The following LARS2 variants were observed in gnomAD, a reference collection of about 807,000 sequenced individuals.
LARS2 encodes the protein leucyl-tRNA synthetase 2, mitochondrial.
A neutral mutation model predicts 116.6 loss-of-function variants in LARS2; 81 were observed. The observed-to-expected ratio is 0.69, with a 90% confidence interval of 0.58 to 0.84. LARS2 has a LOEUF of 0.84. Among genes scored for constraint, LARS2 ranks in the 40% least tolerant of loss-of-function variants. The pLI is 0.00. For missense variants in LARS2, 968 were observed against 1,114.5 expected (o/e 0.87, Z 1.87); for synonymous variants, 396 against 407.2 (o/e 0.97, Z 0.33).
At chr3:45,444,085 A>G (rs941554546) in intron 6 of LARS2, among the ~76,000 whole-genome samples, 1 of 150,432 alleles carries the variant, frequency 6.6e-6, no homozygotes, top group Non-Finnish European at 1.5e-5. Flanking sequence ...GCTCACTGCA[A>G]GCTCCGCCTC....
chr3:45,417,041 T>C (rs1575239868), intron 4 of LARS2, among the ~76,000 whole-genome samples: 1 of 142,014 alleles, frequency 7.0e-6, no homozygotes. Context: ...GCCACTGCAC[T>C]CCAGCCTGGG....
intron 12 of LARS2, 48 bp downstream of exon 12, chr3:45,488,860 T>C: frequency 8.5e-7 from 1 of 1,178,748 alleles, no homozygotes; most frequent in Non-Finnish European, 1.3e-6. Context: ...TGATACGACT[T>C]TGATAGACAT....
At chr3:45,454,045 G>T (rs1175830336) in intron 7 of LARS2, among the ~76,000 whole-genome samples, 1 of 152,124 alleles carries the variant, frequency 6.6e-6, no homozygotes, top group Non-Finnish European at 1.5e-5. Context: ...AGGCAAGGAG[G>T]ATCTGAGGGA....
At chr3:45,463,863 G>A (rs986119423) in intron 8 of LARS2, among the ~76,000 whole-genome samples, 3 of 152,114 alleles carry the variant, frequency 2.0e-5, no homozygotes, top group African/African-American at 4.8e-5. Flanking sequence ...AGGAGCCCCA[G>A]ATCTGCCCAG....
Position 45,400,849 on chromosome 3 carries a change from T to C in LARS2, c.363+476T>C, listed in dbSNP as rs188303477. Among the ~76,000 whole-genome samples the C allele has an allele frequency of 2.0e-5, 3 of 152,272 alleles. 1 individual carries two copies. Among genetic ancestry groups the C allele is most frequent in the African/African-American group, 7.2e-5 (3 of 41,558 alleles). Reference sequence around the variant, plus strand: ...TTTTTTTTGAGGCGGAGTCTTGCTCTGTCGCCCAGGCTGGAGTGCAGTGAC... The same window carrying C: ...TTTTTTTTGAGGCGGAGTCTTGCTCCGTCGCCCAGGCTGGAGTGCAGTGAC... On this transcript the variant is annotated intron_variant, in intron 4 of 21. Transcript: ENST00000645846.
intron 4 of LARS2, among the ~76,000 whole-genome samples, chr3:45,416,916 T>TA (rs963991278): frequency 2.3e-4 from 35 of 151,060 alleles, no homozygotes; most frequent in African/African-American, 8.0e-4. Flanking sequence ...CTACTAAAAA[T>TA]AAAAAAAATT....
intron 7 of LARS2, among the ~76,000 whole-genome samples, chr3:45,452,214 C>T (rs1269668245): frequency 1.3e-5 from 2 of 152,110 alleles, no homozygotes; most frequent in African/African-American, 4.8e-5. Flanking sequence ...TTAGGACTTC[C>T]AGTACTATGT....
intron 20 of LARS2, 47 bp from the exon 21 acceptor site, chr3:45,541,782 T>A: frequency 1.2e-6 from 2 of 1,607,090 alleles, no homozygotes; most frequent in Non-Finnish European, 8.5e-7. Flanking sequence ...CTCATAAGCC[T>A]CCCTGTTCTT....
chr3:45,454,813 T>G (rs1326575669), intron 7 of LARS2, among the ~76,000 whole-genome samples: 2 of 152,158 alleles, frequency 1.3e-5, no homozygotes, highest in African/African-American at 4.8e-5. Context: ...GGGAAGCTAT[T>G]GATAGAGACA....
chr3:45,446,935 T>G lies in LARS2; in HGVS notation c.561T>G (p.Tyr187Ter). 1 of 1,611,608 alleles carries G rather than the reference T, an allele frequency of 6.2e-7. No homozygotes were observed. The highest frequency in any genetic ancestry group is 8.5e-7 in the Non-Finnish European group (1 of 1,178,388). Residue 187 changes from tyrosine (Y) to a stop codon, truncating the protein, a stop_gained, in exon 7 of 22, where the codon TAT becomes TAG. Coordinates refer to ENST00000645846, the MANE Select transcript of LARS2 (RefSeq NM_015340.4). LOFTEE classifies it high-confidence loss of function. ...CAGATTACTACAAGTGGACTCAGTA[T>G]CTCTTTATTAAACTGTATGAGGCTG... ...CLPDYYKWTQ[Y>*]LFIKLYEAGL...
chr3:45,535,607 G>A (rs1417383699), intron 20 of LARS2, among the ~76,000 whole-genome samples: 1 of 152,234 alleles, frequency 6.6e-6, no homozygotes, highest in South Asian at 2.1e-4. Context: ...ACATATTCAT[G>A]GTTGCCATGG....
At chr3:45,528,030 C>A (rs989602711) in intron 20 of LARS2, among the ~76,000 whole-genome samples, 1 of 152,174 alleles carries the variant, frequency 6.6e-6, no homozygotes, top group Non-Finnish European at 1.5e-5. Flanking sequence ...AGCATCTTAG[C>A]GCAGATCATT....
rs1379926964 is a variant in LARS2 at position 45,468,993 on chromosome 3, A to G, written c.751-5250A>G. ...TCTTTCCCATAGCTCTGGGCTGTGC[A>G]CTTGTATGTGTGGCTGCTTGGTGCC... On this transcript the variant is annotated intron_variant, in intron 8 of 21. Transcript: ENST00000645846. Among the ~76,000 whole-genome samples the G allele has an allele frequency of 3.9e-5, 6 of 152,204 alleles. 1 individual carries two copies. Among genetic ancestry groups the G allele is most frequent in the Non-Finnish European group, 5.9e-5 (4 of 68,018 alleles).
chr3:45,532,953 CT>C (rs1459849115), intron 20 of LARS2, among the ~76,000 whole-genome samples: 3 of 151,960 alleles, frequency 2.0e-5, no homozygotes, highest in African/African-American at 7.2e-5. Flanking sequence ...CCTCTTTTTA[CT>C]GTGTTACAGC....
chr3:45,472,330 G>T (rs1699541752), intron 8 of LARS2, among the ~76,000 whole-genome samples: 1 of 152,200 alleles, frequency 6.6e-6, no homozygotes, highest in Non-Finnish European at 1.5e-5. Flanking sequence ...CTTAGTGTCA[G>T]TGGGGAAGGG....
At chr3:45,438,749 C>T (rs183411502) in intron 6 of LARS2, among the ~76,000 whole-genome samples, 29 of 151,622 alleles carry the variant, frequency 1.9e-4, no homozygotes, top group African/African-American at 6.5e-4. Context: ...ACAGGAGAAT[C>T]GCTTGAACGT....
intron 10 of LARS2, among the ~76,000 whole-genome samples, chr3:45,484,630 A>AAAATATATATATATATATATAT (rs1553634443): frequency 3.1e-4 from 3 of 9,740 alleles, no homozygotes; most frequent in Non-Finnish European, 6.3e-4. Flanking sequence ...AAAAAAAAAA[A>AAAATATATATATATATATATAT]ATATATATAT....
chr3:45,484,795 T>C (rs1251320088), intron 10 of LARS2, among the ~76,000 whole-genome samples: 1 of 150,634 alleles, frequency 6.6e-6, no homozygotes, highest in East Asian at 1.9e-4. Context: ...CCAAATACAT[T>C]TTCCTTTTTA....
chr3:45,448,014 G>T (rs1329395785), intron 7 of LARS2, among the ~76,000 whole-genome samples: 3 of 152,172 alleles, frequency 2.0e-5, no homozygotes, highest in African/African-American at 7.2e-5. Flanking sequence ...TTGGGAGATT[G>T]ATGCAGGAGG....
Sources: allele counts gnomAD v4.1 joint callset (sites outside exome capture counted in the v4.1 genomes callset), GRCh38; gene constraint gnomAD v4.1.1; transcripts MANE v1.5; gene names NCBI Gene and HGNC (gene_info 2026-07-23, HGNC 2026-07-21).